PEPD: variants seen among roughly 807,000 people sequenced by gnomAD.
PEPD encodes the protein peptidase D.
PEPD carries 53 observed loss-of-function variants against 60.7 expected under a neutral mutation model. The observed-to-expected ratio is 0.87, with a 90% CI of 0.70 to 1.10. PEPD has a LOEUF of 1.10. Among genes scored for constraint, PEPD ranks in the 50% least tolerant of loss-of-function variants. PEPD has a pLI of 0.00. For missense variants in PEPD, 711 were observed against 711.9 expected (o/e 1.00, Z 0.01); for synonymous variants, 267 against 284.1 (o/e 0.94, Z 0.60).
At chr19:33,435,716 G>A (rs762269620) in intron 9 of PEPD, among the ~76,000 whole-genome samples, 15 of 152,236 alleles carry the variant, frequency 9.9e-5, no homozygotes, top group Admixed American at 2.0e-4. Context: ...TCGTATGGCC[G>A]TTAGTTCTCA....
intron 12 of PEPD, among the ~76,000 whole-genome samples, chr19:33,394,122 G>T (rs925641924): frequency 2.0e-5 from 3 of 152,206 alleles, no homozygotes; most frequent in African/African-American, 7.2e-5. Context: ...TGCCCCTCAG[G>T]TCTCCCAACA....
chr19:33,422,826 C>G (rs953223196), intron 9 of PEPD, among the ~76,000 whole-genome samples: 16 of 92,254 alleles, frequency 1.7e-4, no homozygotes, highest in South Asian at 9.6e-4. Context: ...CTATATCTAT[C>G]TATCTATCTA....
intron 11 of PEPD, among the ~76,000 whole-genome samples, chr19:33,405,648 G>A (rs965335634): frequency 6.6e-6 from 1 of 152,230 alleles, no homozygotes; most frequent in East Asian, 1.9e-4. Context: ...TGCATGGGCC[G>A]GCTGCCTGCT....
chr19:33,402,183 C>T (rs1256807400), intron 11 of PEPD, among the ~76,000 whole-genome samples: 1 of 152,194 alleles, frequency 6.6e-6, no homozygotes, highest in Non-Finnish European at 1.5e-5. Context: ...GTGGCCTGGC[C>T]TCCAAGAGCT....
chr19:33,401,879 G>A lies in PEPD; in HGVS notation c.819-10C>T, dbSNP rs868016062. On this transcript the variant is annotated splice_polypyrimidine_tract_variant and intron_variant, in intron 11 of 14. Coordinates refer to ENST00000244137, the MANE Select transcript of PEPD (RefSeq NM_000285.4). ...GCCCATGTCGAACAGGCTGCGGAGA[G>A]AGGAAGGCAGGGCAAGTGGGTACTG... 1 of 1,612,676 alleles carries A rather than the reference G, an allele frequency of 6.2e-7. No individual in the cohort carries two copies.
At chr19:33,506,097 C>T (rs1407162776) in intron 3 of PEPD, among the ~76,000 whole-genome samples, 2 of 142,198 alleles carry the variant, frequency 1.4e-5, no homozygotes, top group Non-Finnish European at 3.1e-5. Context: ...CCCTCAGACA[C>T]CCACACACAC....
At chr19:33,489,081 C>T (rs1037658990) in intron 6 of PEPD, among the ~76,000 whole-genome samples, 1 of 152,172 alleles carries the variant, frequency 6.6e-6, no homozygotes, top group Non-Finnish European at 1.5e-5. Context: ...CTCTCCCGCC[C>T]TCTCCAGGCT....
At chr19:33,416,436 G>A (rs528781491) in intron 9 of PEPD, among the ~76,000 whole-genome samples, 3 of 152,158 alleles carry the variant, frequency 2.0e-5, no homozygotes, top group Non-Finnish European at 4.4e-5. Flanking sequence ...GAGTGTCACC[G>A]CCCCACTGCG....
At chr19:33,493,145 G>A in intron 5 of PEPD, 145 bp downstream of exon 5, 3 of 688,160 alleles carry the variant, frequency 4.4e-6, no homozygotes, top group Non-Finnish European at 8.0e-6. Flanking sequence ...CAAGGCACTT[G>A]GATAACAGGC....
chr19:33,403,700 G>A (rs890714399), intron 11 of PEPD, among the ~76,000 whole-genome samples: 2 of 152,306 alleles, frequency 1.3e-5, no homozygotes, highest in Non-Finnish European at 2.9e-5. Context: ...TTGAATGCAC[G>A]GCCAGGACGC....
intron 3 of PEPD, among the ~76,000 whole-genome samples, chr19:33,501,430 C>T (rs1171155076): frequency 6.6e-6 from 1 of 152,148 alleles, no homozygotes; most frequent in East Asian, 1.9e-4. Flanking sequence ...CGCAGAATCC[C>T]AGCACTTTGG....
chr19:33,402,000 G>T (rs1243836324), intron 11 of PEPD, 131 bp from the exon 12 acceptor site: 4 of 833,592 alleles, frequency 4.8e-6, no homozygotes, highest in Non-Finnish European at 8.0e-6. Context: ...CTCACAATGA[G>T]ACCGGTGTGG....
At chr19:33,517,908 A>C (rs568583092) in intron 1 of PEPD, among the ~76,000 whole-genome samples, 7 of 151,536 alleles carry the variant, frequency 4.6e-5, no homozygotes, top group Non-Finnish European at 1.0e-4. Context: ...CGGAGGTTGC[A>C]GTGAGCCGAG....
chr19:33,391,806 A>G (rs16968072), intron 12 of PEPD, among the ~76,000 whole-genome samples: 32,631 of 152,156 alleles, frequency 0.21, 4,245 homozygotes, highest in African/African-American at 0.37. Flanking sequence ...TGAACAGCCT[A>G]TGCTTCTGGG....
intron 12 of PEPD, among the ~76,000 whole-genome samples, chr19:33,392,748 C>A (rs1013282715): frequency 1.3e-5 from 2 of 152,120 alleles, no homozygotes; most frequent in South Asian, 4.1e-4. Flanking sequence ...GCCGGGGAGA[C>A]CCTGAGCTGG....
intron 9 of PEPD, among the ~76,000 whole-genome samples, chr19:33,457,611 AGT>A (rs1414522608): frequency 1.3e-5 from 2 of 152,162 alleles, no homozygotes; most frequent in African/African-American, 4.8e-5. Context: ...CCCAGGTTCA[AGT>A]GATTCTCCTG....
chr19:33,393,547 C>G (rs895127261), intron 12 of PEPD, among the ~76,000 whole-genome samples: 3 of 125,796 alleles, frequency 2.4e-5, no homozygotes, highest in African/African-American at 7.7e-5. Flanking sequence ...CCTCAGCTGC[C>G]GCTGGTCAAA....
At chr19:33,441,998 C>T (rs1969487157) in intron 9 of PEPD, among the ~76,000 whole-genome samples, 1 of 152,238 alleles carries the variant, frequency 6.6e-6, no homozygotes, top group Admixed American at 6.5e-5. Flanking sequence ...AGCACAGGCC[C>T]TGGGGCCAAA....
At chr19:33,391,532 C>T in intron 12 of PEPD, 53 bp from the exon 13 acceptor site, 1 of 1,473,828 alleles carries the variant, frequency 6.8e-7, no homozygotes. Flanking sequence ...GCCAACACCG[C>T]AGGGCCAGGG....
Sources: gnomAD v4.1 joint callset for allele counts (sites outside exome capture counted in the v4.1 genomes callset) on GRCh38, gnomAD v4.1.1 for gene constraint, MANE v1.5 for transcripts, NCBI Gene and HGNC (gene_info 2026-07-23, HGNC 2026-07-21) for gene names.